The following FGF12 variants were observed in gnomAD, a reference collection of about 807,000 sequenced individuals.
The protein encoded by FGF12 is fibroblast growth factor 12B.
Under a neutral mutation model 23.6 loss-of-function variants are expected in FGF12, and 14 were observed. The observed-to-expected ratio is 0.59, with a 90% CI of 0.39 to 0.93. The LOEUF is 0.93. FGF12 is among the 40% of genes least tolerant of loss of function. FGF12 has a pLI of 0.00. For synonymous variants in FGF12, 62 were observed against 77.3 expected, an observed-to-expected ratio of 0.80 and a Z score of 1.04; for missense variants, 175 against 217.8, an observed-to-expected ratio of 0.80 and a Z score of 1.24.
chr3:192,642,005 A>C (rs887849654), intron 2 of FGF12, among the ~76,000 whole-genome samples: 2 of 152,216 alleles, frequency 1.3e-5, no homozygotes, highest in East Asian at 1.9e-4. Flanking sequence ...GTGTCTGCAA[A>C]CAGCGTATCT....
intron 4 of FGF12, among the ~76,000 whole-genome samples, chr3:192,205,310 T>A (rs932999824): frequency 6.6e-6 from 1 of 152,146 alleles, no homozygotes; most frequent in Non-Finnish European, 1.5e-5. Flanking sequence ...TATAGCACTT[T>A]CTAAGAGATT....
intron 2 of FGF12, among the ~76,000 whole-genome samples, chr3:192,664,464 A>C (rs1473737157): frequency 2.0e-5 from 3 of 151,898 alleles, no homozygotes; most frequent in Non-Finnish European, 4.4e-5. Context: ...AAAAGTCACC[A>C]AAGGCGGGGC....
intron 4 of FGF12, among the ~76,000 whole-genome samples, chr3:192,223,531 A>C (rs1348552185): frequency 6.6e-6 from 1 of 152,192 alleles, no homozygotes; most frequent in East Asian, 1.9e-4. Context: ...ATGCCTTTTT[A>C]GCATTCATTA....
At chr3:192,414,446 A>C (rs1405864972) in intron 2 of FGF12, among the ~76,000 whole-genome samples, 1 of 152,202 alleles carries the variant, frequency 6.6e-6, no homozygotes, top group African/African-American at 2.4e-5. Flanking sequence ...TGTCAACAAA[A>C]ACAAAACACC....
rs143207061 is a variant in FGF12, at chr3:192,296,122, T to A, written c.228+39239A>T. Reference sequence around the variant, plus strand: ...GGTTTCACCATGTTGCCCAGGCTGGTCTTAAATTCCTGACCTCAACCAATC... The same window carrying A: ...GGTTTCACCATGTTGCCCAGGCTGGACTTAAATTCCTGACCTCAACCAATC... On this transcript the variant is annotated intron_variant, in intron 4 of 5. Transcript: ENST00000445105. 6.8e-3 allele frequency among the ~76,000 whole-genome samples: 1,005 copies of A among 147,336 alleles called. 9 individuals are homozygous for A. The highest frequency in any genetic ancestry group is 0.024 in the African/African-American group (962 of 40,344).
At chr3:192,661,066 C>T (rs576725469) in intron 2 of FGF12, among the ~76,000 whole-genome samples, 11 of 151,798 alleles carry the variant, frequency 7.2e-5, no homozygotes, top group African/African-American at 9.7e-5. Context: ...TGAAATGGTA[C>T]GCTTGTTAAG....
At chr3:192,671,773 A>C (rs1228873325) in intron 2 of FGF12, among the ~76,000 whole-genome samples, 1 of 114,622 alleles carries the variant, frequency 8.7e-6, no homozygotes, top group Non-Finnish European at 1.8e-5. Flanking sequence ...GTGCTTCTTG[A>C]CCAACACACA....
rs543669941 is a variant in FGF12, at chr3:192,410,375, G to T, written c.14-49837C>A. The stretch of plus-strand genomic sequence containing the variant: ...TGGATGAGAAATTCTCAGAGGCAGA[G>T]CGAGGGAACTGCAGCTTGGGTCTGC... On this transcript the variant is annotated intron_variant, in intron 2 of 5. Coordinates refer to ENST00000445105, the MANE Select transcript of FGF12 (RefSeq NM_004113.6). Among the ~76,000 whole-genome samples, 14 of 152,270 alleles carry T rather than the reference G, an allele frequency of 9.2e-5. No individual in the cohort carries two copies. The East Asian group carries it at 2.7e-3, about 30-fold the overall frequency.
chr3:192,667,046 C>T (rs1326327135), intron 2 of FGF12, among the ~76,000 whole-genome samples: 1 of 152,132 alleles, frequency 6.6e-6, no homozygotes, highest in Non-Finnish European at 1.5e-5. Flanking sequence ...CAACATGATA[C>T]AATTCACAAA....
intron 2 of FGF12, among the ~76,000 whole-genome samples, chr3:192,716,200 T>C (rs973336182): frequency 5.3e-5 from 8 of 152,138 alleles, no homozygotes; most frequent in Non-Finnish European, 1.2e-4. Flanking sequence ...TCAGAAACCC[T>C]AGGGGTGGGG....
At chr3:192,449,803 C>T (rs1304554740) in intron 2 of FGF12, among the ~76,000 whole-genome samples, 1 of 152,176 alleles carries the variant, frequency 6.6e-6, no homozygotes, top group Non-Finnish European at 1.5e-5. Context: ...TCATAATCAG[C>T]CATGGGCATG....
intron 4 of FGF12, among the ~76,000 whole-genome samples, chr3:192,237,378 C>A (rs1211350680): frequency 1.3e-5 from 2 of 152,092 alleles, no homozygotes; most frequent in African/African-American, 4.8e-5. Context: ...GCATGTTGAT[C>A]ACTCCAGCAA....
At chr3:192,541,159 C>G (rs921887540) in intron 2 of FGF12, among the ~76,000 whole-genome samples, 3 of 152,054 alleles carry the variant, frequency 2.0e-5, no homozygotes, top group Admixed American at 2.0e-4. Context: ...TTACCCCTGC[C>G]ATTTTGTTAC....
intron 4 of FGF12, among the ~76,000 whole-genome samples, chr3:192,286,559 T>C (rs531368708): frequency 6.6e-6 from 1 of 151,964 alleles, no homozygotes; most frequent in East Asian, 1.9e-4. Flanking sequence ...GATACAGAGG[T>C]TTTCAACAAG....
In FGF12 at chr3:192,509,086, A is replaced by G. The variant is rs529862211; in HGVS notation, c.14-148548T>C. ...GGTTTTTTTTTTTGCTAAATTGGAAAATGGCAATCTCTGAAGCAAGAGACA... is the reference window on the plus strand; with the variant it reads ...GGTTTTTTTTTTTGCTAAATTGGAAGATGGCAATCTCTGAAGCAAGAGACA... On this transcript the variant is annotated intron_variant, in intron 2 of 5. Transcript: ENST00000445105. 3.3e-5 allele frequency among the ~76,000 whole-genome samples: 5 copies of G among 152,238 alleles called. No individual in the cohort carries two copies. In the South Asian group the frequency reaches 1.0e-3, roughly 32 times the overall value.
intron 4 of FGF12, among the ~76,000 whole-genome samples, chr3:192,275,558 C>T (rs1004155207): frequency 6.6e-6 from 1 of 152,182 alleles, no homozygotes; most frequent in South Asian, 2.1e-4. Flanking sequence ...TTATATCTAC[C>T]TGTTGGGACT....
At chr3:192,392,053 T>C (rs1476263217) in intron 2 of FGF12, among the ~76,000 whole-genome samples, 3 of 152,228 alleles carry the variant, frequency 2.0e-5, no homozygotes, top group Non-Finnish European at 1.5e-5. Flanking sequence ...ACTTGCTGAA[T>C]CAGAATCTGC....
intron 2 of FGF12, among the ~76,000 whole-genome samples, chr3:192,594,526 T>C (rs1276747657): frequency 6.6e-6 from 1 of 151,882 alleles, no homozygotes; most frequent in African/African-American, 2.4e-5. Flanking sequence ...ATGGTTTGGA[T>C]ATGTCCCCCA....
chr3:192,264,787 G>C (rs1243340208), intron 4 of FGF12, among the ~76,000 whole-genome samples: 1 of 152,052 alleles, frequency 6.6e-6, no homozygotes, highest in Non-Finnish European at 1.5e-5. Context: ...ACCAACAAGA[G>C]TGGAATTCCA....
Sources: gnomAD v4.1 joint callset for allele counts (sites outside exome capture counted in the v4.1 genomes callset) on GRCh38, gnomAD v4.1.1 for gene constraint, MANE v1.5 for transcripts, NCBI Gene and HGNC (gene_info 2026-07-23, HGNC 2026-07-21) for gene names.